RBM34: variants seen among roughly 807,000 people sequenced by gnomAD.
RBM34 encodes the protein RNA-binding protein 34.
In RBM34, 39 loss-of-function variants were observed where a neutral mutation model predicts 44.6. The observed-to-expected ratio is 0.87, with a 90% CI of 0.68 to 1.14. RBM34 has a LOEUF of 1.14. RBM34 is among the 50% of genes most tolerant of loss of function. The pLI, the probability that RBM34 is intolerant of heterozygous loss-of-function variation, is 0.00. For synonymous variants in RBM34, 194 were observed against 184.0 expected (o/e 1.05, Z -0.44); for missense variants, 572 against 517.9 (o/e 1.10, Z -1.01).
chr1:235,131,865 TGACA>T lies in RBM34; in HGVS notation c.1137_1140del (p.Asn379LysfsTer73). 3 of 1,614,214 alleles carry T rather than the reference TGACA, an allele frequency of 1.9e-6. No homozygotes were observed. Among genetic ancestry groups the T allele is most frequent in the Non-Finnish European group, 2.5e-6 (3 of 1,180,034 alleles). On this transcript the variant is annotated frameshift_variant, in exon 11 of 11. Coordinates refer to ENST00000408888, the MANE Select transcript of RBM34 (RefSeq NM_015014.4). LOFTEE classifies it high-confidence loss of function. ...AAATTAAGTCCCTGCTTAGGTTTACTGACATTCTTCAATCGTGGATTTGAATTTT... is the reference window on the plus strand; with the variant it reads ...AAATTAAGTCCCTGCTTAGGTTTACTTTCTTCAATCGTGGATTTGAATTTT...
intron 10 of RBM34, among the ~76,000 whole-genome samples, chr1:235,134,003 G>A (rs760715513): frequency 6.6e-5 from 10 of 151,974 alleles, no homozygotes; most frequent in Non-Finnish European, 8.8e-5. Context: ...GACCACAGGC[G>A]CTGGCCACCA....
Position 235,135,227 on chromosome 1 carries a change from T to C in RBM34, c.1008+425A>G, listed in dbSNP as rs373866343. 1.1e-4 allele frequency among the ~76,000 whole-genome samples: 14 copies of C among 127,798 alleles called. 1 individual carries two copies. The East Asian group carries it at 1.2e-3, about 11-fold the overall frequency. 83.8% of individuals were successfully genotyped at this position (127,798 alleles called of 152,430 possible). ...ATCTGGCTAATTTTTAAATTTTTTG[T>C]ATTTTTTTTTTTCCCCCTTGAGATG... On this transcript the variant is annotated intron_variant, in intron 10 of 10. Coordinates refer to ENST00000408888, the MANE Select transcript of RBM34 (RefSeq NM_015014.4).
Position 235,161,021 on chromosome 1 carries a change from T to C in RBM34, c.100A>G (p.Arg34Gly). The C allele has an allele frequency of 2.5e-6, 4 of 1,613,894 alleles. No homozygotes were observed. The highest frequency in any genetic ancestry group is 1.3e-5 in the African/African-American group (1 of 75,014). The change falls in exon 2 of 11, where the codon AGG (arginine) becomes GGG (glycine). Residue 34 changes from arginine to glycine, a missense_variant. Transcript: ENST00000408888. ...AAGCTACTGGCGACCTGTCCAAGCC[T>C]GTAGTCTTCCGGCGGACTCCCGCGA... ...GVRGSPPEDY[R>G]LGQVASSLFR...
At chr1:235,142,865 T>A (rs1429176796) in intron 6 of RBM34, among the ~76,000 whole-genome samples, 19 of 142,250 alleles carry the variant, frequency 1.3e-4, no homozygotes, top group African/African-American at 5.0e-4. Context: ...GAGGCGGAGG[T>A]TGCAGTGAGC....
chr1:235,142,193 C>A (rs1201463937), intron 6 of RBM34, among the ~76,000 whole-genome samples: 1 of 152,196 alleles, frequency 6.6e-6, no homozygotes, highest in Non-Finnish European at 1.5e-5. Context: ...CAGGTGCACT[C>A]CTGAGACACG....
rs370819705 is a variant in RBM34 at position 235,135,706 on chromosome 1, A to G, written c.954T>C (p.Ile318=). The change falls in exon 10 of 11, where the codon ATT becomes ATC. Residue 318 remains isoleucine (I), a synonymous_variant. Coordinates refer to ENST00000408888, the MANE Select transcript of RBM34 (RefSeq NM_015014.4). ...CGATGCCTGTCATTTTGTCTCTCAC[A>G]ATCCTCACGGCCATGATACTTCCAC... is the stretch of plus-strand genomic sequence containing the variant. The part of the protein sequence containing the change: ...LDCGSIMAVR[I]VRDKMTGIGK... 7 of 1,614,074 alleles carry G rather than the reference A, an allele frequency of 4.3e-6. No individual in the cohort carries two copies. The highest frequency in any genetic ancestry group is 1.1e-5 in the South Asian group (1 of 91,090).
chr1:235,139,916 G>C (rs1341350908), intron 6 of RBM34, among the ~76,000 whole-genome samples: 1 of 152,236 alleles, frequency 6.6e-6, no homozygotes, highest in African/African-American at 2.4e-5. Context: ...CTAGAGCTCA[G>C]CGTGGGCTGG....
At chr1:235,141,536 A>C (rs994226578) in intron 6 of RBM34, among the ~76,000 whole-genome samples, 2 of 152,202 alleles carry the variant, frequency 1.3e-5, no homozygotes, top group Non-Finnish European at 2.9e-5. Flanking sequence ...AGATAAGAGA[A>C]TAAAAGCAGG....
intron 3 of RBM34, 138 bp downstream of exon 3, chr1:235,160,373 C>T: frequency 8.7e-7 from 1 of 1,153,646 alleles, no homozygotes; most frequent in East Asian, 2.4e-5. Context: ...TTCAACTTTT[C>T]TATATGTACT....
At chr1:235,149,514 A>G (rs1045305727) in intron 5 of RBM34, among the ~76,000 whole-genome samples, 7 of 152,218 alleles carry the variant, frequency 4.6e-5, no homozygotes, top group Non-Finnish European at 8.8e-5. Context: ...ATAAAAAGAC[A>G]TATCACCTGT....
At chr1:235,160,732 A>C (rs66533903) in intron 2 of RBM34, 85 bp from the exon 3 acceptor site, 207,847 of 1,527,278 alleles carry the variant, frequency 0.14, 17,422 homozygotes, top group African/African-American at 0.39. Context: ...TCTAAATGAG[A>C]ATCTCTTCTC....
intron 6 of RBM34, among the ~76,000 whole-genome samples, chr1:235,140,509 C>T (rs905301603): frequency 3.9e-5 from 6 of 152,226 alleles, no homozygotes; most frequent in East Asian, 1.9e-4. Flanking sequence ...GATTTCTCAC[C>T]GGGCCTTAGC....
intron 10 of RBM34, among the ~76,000 whole-genome samples, chr1:235,133,769 T>G (rs570920000): frequency 3.3e-5 from 5 of 152,260 alleles, no homozygotes; most frequent in Non-Finnish European, 7.3e-5. Context: ...CCATTTTATA[T>G]AAGGGACTTC....
chr1:235,145,051 A>G (rs1295781908), intron 6 of RBM34, among the ~76,000 whole-genome samples: 3 of 152,208 alleles, frequency 2.0e-5, no homozygotes, highest in African/African-American at 7.2e-5. Flanking sequence ...CTCAAAAAAT[A>G]AATTAAATAA....
At chr1:235,160,845 T>G (rs756100178) in intron 2 of RBM34, 48 bp downstream of exon 2, 3 of 1,601,472 alleles carry the variant, frequency 1.9e-6, no homozygotes. Context: ...TTGCTTTGTA[T>G]GTAAGTGGTT....
chr1:235,135,703 C>CA lies in RBM34; in HGVS notation c.956dup (p.Arg320GlufsTer17). ...TGCCGATGCCTGTCATTTTGTCTCT[C>CA]ACAATCCTCACGGCCATGATACTTC... is the stretch of plus-strand genomic sequence containing the variant. On this transcript the variant is annotated frameshift_variant, in exon 10 of 11. Transcript: ENST00000408888. LOFTEE classifies it high-confidence loss of function. The CA allele has an allele frequency of 6.2e-7, 1 of 1,614,238 alleles. No homozygotes were observed. The highest frequency in any genetic ancestry group is 1.7e-5 in the Admixed American group (1 of 60,018).
At position 235,160,944 on chromosome 1, in the gene RBM34, G is replaced by A. The variant is rs779521901; in HGVS notation, c.177C>T (p.Leu59=). Residue 59 remains leucine, a synonymous_variant, in exon 2 of 11, where the codon CTC becomes CTT. Coordinates refer to ENST00000408888, the MANE Select transcript of RBM34 (RefSeq NM_015014.4). ...GAATCTGGGGCTCCAGAGAACTGAA[G>A]AGGGACGCCAGCCGACCGGTGCCAC... ...SRGGTGRLAS[L]FSSLEPQIQP... is the part of the protein sequence containing the mutation. The A allele has an allele frequency of 8.7e-6, 14 of 1,614,156 alleles. No individual in the cohort carries two copies. The Admixed American group carries it at 1.8e-4, about 21-fold the overall frequency.
rs530290728 is a variant in RBM34, at chr1:235,133,127, A to G, written c.1009-1130T>C. Reference sequence around the variant, plus strand: ...GAGGCCAAGGCGGATAGATCACTTGAGCTCAGAAGTTGGAGACCAGCCTGA... The same window carrying G: ...GAGGCCAAGGCGGATAGATCACTTGGGCTCAGAAGTTGGAGACCAGCCTGA... On this transcript the variant is annotated intron_variant, in intron 10 of 10. Transcript: ENST00000408888. 3.3e-5 allele frequency among the ~76,000 whole-genome samples: 5 copies of G among 152,290 alleles called. No individual in the cohort carries two copies. The South Asian group carries it at 1.0e-3, about 32-fold the overall frequency.
chr1:235,152,811 C>T (rs530646640), intron 4 of RBM34, 46 bp from the exon 5 acceptor site: 321 of 1,423,284 alleles, frequency 2.3e-4, no homozygotes, highest in Non-Finnish European at 1.3e-4. Context: ...TTCAGAACAT[C>T]AAATAAGTGC....
Sources: allele counts gnomAD v4.1 joint callset (sites outside exome capture counted in the v4.1 genomes callset), GRCh38; gene constraint gnomAD v4.1.1; transcripts MANE v1.5; gene names NCBI Gene and HGNC (gene_info 2026-07-23, HGNC 2026-07-21).